SNAPC1: variants seen among roughly 807,000 people sequenced by gnomAD.
SNAPC1 encodes small nuclear RNA activating complex polypeptide 1.
A neutral mutation model predicts 50.1 loss-of-function variants in SNAPC1; 42 were observed. The observed-to-expected ratio is 0.84, with a 90% CI of 0.65 to 1.08. The LOEUF is 1.08. Among genes scored for constraint, SNAPC1 ranks in the 50% least tolerant of loss-of-function variants. The pLI is 0.00. For missense variants in SNAPC1, 477 were observed against 427.3 expected (o/e 1.12, Z -1.02); for synonymous variants, 164 against 144.2 (o/e 1.14, Z -0.98).
At chr14:61,784,480 C>T (rs570152393) in intron 8 of SNAPC1, among the ~76,000 whole-genome samples, 1 of 152,056 alleles carries the variant, frequency 6.6e-6, no homozygotes, top group South Asian at 2.1e-4. Flanking sequence ...AAAAAATCCT[C>T]TAGATCAAGG....
chr14:61,774,648 A>ATTTTTTTT (rs35300490), intron 4 of SNAPC1, among the ~76,000 whole-genome samples: 7 of 90,960 alleles, frequency 7.7e-5, no homozygotes, highest in African/African-American at 8.2e-5. Flanking sequence ...TCAGTTTCTC[A>ATTTTTTTT]TTTTTTTTTT....
chr14:61,775,969 A>T, intron 4 of SNAPC1, 126 bp from the exon 5 acceptor site: 1 of 624,116 alleles, frequency 1.6e-6, no homozygotes. Flanking sequence ...TATTTTTAAT[A>T]TACTATAGCA....
chr14:61,765,993 G>A (rs2044945884), intron 1 of SNAPC1, among the ~76,000 whole-genome samples: 1 of 152,202 alleles, frequency 6.6e-6, no homozygotes, highest in Admixed American at 6.5e-5. Flanking sequence ...GAAAATGTTC[G>A]TTAGGTAAAA....
At chr14:61,770,980 G>A (rs916567412) in intron 4 of SNAPC1, among the ~76,000 whole-genome samples, 24 of 152,024 alleles carry the variant, frequency 1.6e-4, no homozygotes, top group African/African-American at 5.3e-4. Flanking sequence ...GAGCTCAGGC[G>A]ATCCGCCCGC....
chr14:61,770,919 T>G, intron 4 of SNAPC1, among the ~76,000 whole-genome samples: 1 of 152,048 alleles, frequency 6.6e-6, no homozygotes, highest in East Asian at 1.9e-4. Flanking sequence ...TTTTTTGTAT[T>G]TTAGTAGAGA....
Position 61,782,235 on chromosome 14 carries a change from G to A in SNAPC1, c.826-12G>A, listed in dbSNP as rs1411688703. 1.9e-6 allele frequency: 3 copies of A among 1,547,342 alleles called. No homozygotes were observed. The highest frequency in any genetic ancestry group is 2.2e-5 in the Admixed American group (1 of 45,350). On this transcript the variant is annotated splice_polypyrimidine_tract_variant and intron_variant, in intron 7 of 9. Transcript: ENST00000216294. ...TTATAATTTATTGGTTAATTGGATT[G>A]TAACTCTTAAGGCATCCAAATCAAG...
rs137940550 is a variant in SNAPC1 at position 61,762,470 on chromosome 14, C to G, written c.10C>G (p.Pro4Ala). The G allele has an allele frequency of 6.2e-7, 1 of 1,613,422 alleles. No individual in the cohort carries two copies. The highest frequency in any genetic ancestry group is 8.5e-7 in the Non-Finnish European group (1 of 1,179,936). ...GCGGGCTTCGGGTGCCATGGGGACT[C>G]CTCCCGGCCTGCAGACCGACTGCGA... MGT[P>A]PGLQTDCEAL... Residue 4 changes from proline (P) to alanine (A), a missense_variant, in exon 1 of 10, where the codon CCT becomes GCT. Physicochemically the swap from Pro to Ala is conservative, Grantham distance 27 (BLOSUM62 -1). Transcript: ENST00000216294.
intron 5 of SNAPC1, among the ~76,000 whole-genome samples, chr14:61,777,651 C>T (rs1457214063): frequency 6.6e-6 from 1 of 150,868 alleles, no homozygotes; most frequent in African/African-American, 2.4e-5. Flanking sequence ...TGCTATGTTG[C>T]CCAGGCTGGT....
intron 2 of SNAPC1, 45 bp downstream of exon 2, chr14:61,767,080 A>G (rs897530497): frequency 2.3e-6 from 3 of 1,289,938 alleles, no homozygotes; most frequent in African/African-American, 3.1e-5. Context: ...ATGTAAAACA[A>G]GTACCATATT....
chr14:61,768,886 T>G (rs111547861), intron 4 of SNAPC1, 146 bp downstream of exon 4: 7 of 523,306 alleles, frequency 1.3e-5, no homozygotes, highest in African/African-American at 7.6e-5. Context: ...GTATCAGACA[T>G]AAAATAGCCT....
intron 9 of SNAPC1, among the ~76,000 whole-genome samples, chr14:61,794,536 G>A (rs888842603): frequency 1.3e-5 from 2 of 152,110 alleles, no homozygotes; most frequent in African/African-American, 4.8e-5. Context: ...CTCCTGAGTA[G>A]CTGGTACTAT....
At chr14:61,764,618 G>GA (rs1373551115) in intron 1 of SNAPC1, among the ~76,000 whole-genome samples, 3 of 152,118 alleles carry the variant, frequency 2.0e-5, no homozygotes, top group African/African-American at 7.2e-5. Flanking sequence ...GCAGATGTTG[G>GA]AAACTATGTA....
At chr14:61,768,859 G>T (rs545571034) in intron 4 of SNAPC1, 119 bp downstream of exon 4, 3 of 565,498 alleles carry the variant, frequency 5.3e-6, no homozygotes, top group Non-Finnish European at 9.5e-6. Context: ...ACCACTCTAG[G>T]ATGCTATTTC....
chr14:61,764,970 T>C (rs1458904811), intron 1 of SNAPC1, among the ~76,000 whole-genome samples: 1 of 152,168 alleles, frequency 6.6e-6, no homozygotes, highest in Non-Finnish European at 1.5e-5. Context: ...TTGTTGCTGG[T>C]TTTAAAGTAA....
rs1366177185 is a variant in SNAPC1, at chr14:61,767,192, T to G, written c.289-20T>G. The G allele has an allele frequency of 7.1e-7, 1 of 1,418,170 alleles. No homozygotes were observed. The highest frequency in any genetic ancestry group is 9.3e-7 in the Non-Finnish European group (1 of 1,079,922). The allele number at this position is 1,418,170 out of a possible 1,614,324, so 87.8% of individuals were successfully genotyped here. ...AAAATATTTACATTTAGTACAACTT[T>G]TTTTTCTTCCTGGTTGCAGATCAGA... On this transcript the variant is annotated intron_variant, in intron 2 of 9. Coordinates refer to ENST00000216294, the MANE Select transcript of SNAPC1 (RefSeq NM_003082.4).
Position 61,766,997 on chromosome 14 carries a change from G to A in SNAPC1, c.250G>A (p.Gly84Arg). The A allele has an allele frequency of 1.2e-6, 2 of 1,608,810 alleles. No individual in the cohort carries two copies. Among genetic ancestry groups the A allele is most frequent in the Non-Finnish European group, 1.7e-6 (2 of 1,176,504 alleles). ...AGTTGGTGCTTTGTATCTGCTATAT[G>A]GATTATATAATACCCAACTGTGTCA... ...IRVGALYLLY[G>R]LYNTQLCQPK... Residue 84 changes from glycine to arginine, a missense_variant, in exon 2 of 10, where the codon GGA becomes AGA. Physicochemically the swap from Gly to Arg is moderately radical, Grantham distance 125. Transcript: ENST00000216294.
chr14:61,773,215 C>T lies in SNAPC1; in HGVS notation c.535-2880C>T, dbSNP rs530582101. Among the ~76,000 whole-genome samples, 15 of 152,074 alleles carry T rather than the reference C, an allele frequency of 9.9e-5. 1 individual carries two copies. The highest frequency in any genetic ancestry group is 7.2e-4 in the Admixed American group (11 of 15,272). On this transcript the variant is annotated intron_variant, in intron 4 of 9. Coordinates refer to ENST00000216294, the MANE Select transcript of SNAPC1 (RefSeq NM_003082.4). ...AAACATTTGACTTCTAATTCTAGCC[C>T]GCTGCTATGTAAGTAGGACCTTGAG...
rs58163174 is a variant in SNAPC1, at chr14:61,795,509, ATAACT to A, written c.*529_*533del. On this transcript the variant is annotated 3_prime_UTR_variant, in exon 10 of 10. Transcript: ENST00000216294. ...AACTTACATTCTCATAACGTGATTG[ATAACT>A]TAGGAAGTTCACAATGTATTTTCTA... 0.19 allele frequency: 28,403 copies of A among 152,224 alleles called. 2,859 individuals are homozygous for A. Among genetic ancestry groups the A allele is most frequent in the African/African-American group, 0.26 (10,844 of 41,388 alleles). 9.4% of individuals were successfully genotyped at this position (152,224 alleles called of 1,614,324 possible). A position where few individuals can be genotyped will look rare whatever the true frequency, so the allele number is the denominator to read the frequency against.
Position 61,764,442 on chromosome 14 carries a change from CT to C in SNAPC1, c.128+1864del, listed in dbSNP as rs111526299. On this transcript the variant is annotated intron_variant, in intron 1 of 9. Coordinates refer to ENST00000216294, the MANE Select transcript of SNAPC1 (RefSeq NM_003082.4). ...TGTACAGTTAATAAAAGGAGAGAGA[CT>C]TTTTTTTTTAAATGGCTACTACATG... Among the ~76,000 whole-genome samples, 1,417 of 148,714 alleles carry C rather than the reference CT, an allele frequency of 9.5e-3. 7 individuals carry two copies. Among genetic ancestry groups the C allele is most frequent in the Middle Eastern group, 0.031 (9 of 292 alleles).
Sources: gnomAD v4.1 joint callset for allele counts (sites outside exome capture counted in the v4.1 genomes callset) on GRCh38, gnomAD v4.1.1 for gene constraint, MANE v1.5 for transcripts, NCBI Gene and HGNC (gene_info 2026-07-23, HGNC 2026-07-21) for gene names.